Variants in ZNF544 observed in about 807,000 individuals in gnomAD.
ZNF544 encodes zinc finger protein AF020591.
Under a neutral mutation model 13.5 loss-of-function variants are expected in ZNF544, and 10 were observed. The observed-to-expected ratio is 0.74, with a 90% CI of 0.46 to 1.25. The LOEUF is 1.25. ZNF544 is among the 50% of genes most tolerant of loss of function. The pLI is 0.00. For synonymous variants in ZNF544, 323 were observed against 300.5 expected, an observed-to-expected ratio of 1.07 and a Z score of -0.77; for missense variants, 896 against 845.6, an observed-to-expected ratio of 1.06 and a Z score of -0.74.
chr19:58,229,294 ACT>A (rs2040656139), intron 1 of ZNF544, 172 bp from the exon 2 acceptor site: 2 of 52,322 alleles, frequency 3.8e-5, no homozygotes, highest in African/African-American at 2.3e-4. Context: ...ACTGGGTGGG[ACT>A]GGGTGGGACT....
At chr19:58,277,341 T>A in exon 7 of ZNF544, 1 of 1,020,036 alleles carries the variant, frequency 9.8e-7, no homozygotes, top group Non-Finnish European at 1.3e-6. Flanking sequence ...TGGTAACGTC[T>A]TCACCCCTTC....
At chr19:58,236,999 C>T (rs1338017663) in intron 3 of ZNF544, among the ~76,000 whole-genome samples, 1 of 151,808 alleles carries the variant, frequency 6.6e-6, no homozygotes, top group Non-Finnish European at 1.5e-5. Context: ...CCTCGGCCTT[C>T]CTAAGTGCTG....
intron 5 of ZNF544, among the ~76,000 whole-genome samples, chr19:58,269,676 T>G (rs1355066988): frequency 1.3e-5 from 2 of 150,642 alleles, no homozygotes; most frequent in Non-Finnish European, 2.9e-5. Flanking sequence ...ATCCCAGCAC[T>G]TTGGGAGACC....
At chr19:58,246,474 A>G in intron 5 of ZNF544, 47 bp downstream of exon 5, 3 of 1,607,874 alleles carry the variant, frequency 1.9e-6, no homozygotes, top group Non-Finnish European at 2.6e-6. Flanking sequence ...TAGGACTCAA[A>G]GCTGTACCAA....
downstream of ZNF544, among the ~76,000 whole-genome samples, chr19:58,264,378 T>G: frequency 8.7e-6 from 1 of 114,768 alleles, no homozygotes; most frequent in African/African-American, 3.7e-5. Flanking sequence ...GAGGGAAACT[T>G]CATCTCAAAA....
chr19:58,231,579 T>C (rs1380054100), intron 3 of ZNF544, among the ~76,000 whole-genome samples: 1 of 152,192 alleles, frequency 6.6e-6, no homozygotes, highest in African/African-American at 2.4e-5. Flanking sequence ...TTATTTATTT[T>C]TTTATAAATG....
chr19:58,276,883 C>G (rs2051262715), intron 6 of ZNF544, among the ~76,000 whole-genome samples: 1 of 152,186 alleles, frequency 6.6e-6, no homozygotes, highest in Non-Finnish European at 1.5e-5. Context: ...TCCCACGGGG[C>G]AAATGGTAGA....
intron 4 of ZNF544, among the ~76,000 whole-genome samples, chr19:58,244,346 G>A (rs574757978): frequency 6.6e-6 from 1 of 151,930 alleles, no homozygotes; most frequent in East Asian, 2.0e-4. Flanking sequence ...GCCCTTGAGG[G>A]TGGATGGAGC....
rs143774546 is a variant in ZNF544 at position 58,274,153 on chromosome 19, G to A, written c.245-2170G>A. Among the ~76,000 whole-genome samples the A allele has an allele frequency of 5.9e-4, 90 of 151,730 alleles. No individual in the cohort carries two copies. In the East Asian group the frequency reaches 0.01, roughly 17 times the overall value. ...TATTTGGTGTATTAGGAATTAAAAC[G>A]GAAAAAAATTAATATATTTTATTAA... On this transcript the variant is annotated intron_variant, in intron 5 of 6. Coordinates refer to the ZNF544 transcript ENST00000595981.
At chr19:58,240,558 G>A (rs982062638) in intron 3 of ZNF544, among the ~76,000 whole-genome samples, 4 of 152,090 alleles carry the variant, frequency 2.6e-5, no homozygotes, top group African/African-American at 7.2e-5. Context: ...TCAGGAGTTT[G>A]AGACCAGCCT....
chr19:58,236,433 G>A lies in ZNF544; in HGVS notation c.-60+5971G>A, dbSNP rs2146605147. On this transcript the variant is annotated intron_variant, in intron 3 of 6. Transcript: ENST00000687789. ...AATCGCTTGAACCCTGGAGGCGGAG[G>A]TTGCAGTGAGCCGAGATCGCTTGGC... Among the ~76,000 whole-genome samples the A allele has an allele frequency of 1.3e-5, 2 of 150,386 alleles. 1 individual carries two copies. The highest frequency in any genetic ancestry group is 4.2e-4 in the South Asian group (2 of 4,750).
chr19:58,241,943 CTT>C (rs1491447215), intron 3 of ZNF544, among the ~76,000 whole-genome samples: 8 of 151,078 alleles, frequency 5.3e-5, no homozygotes, highest in South Asian at 2.1e-4. Context: ...CTCTCTCTCT[CTT>C]TGTGCTTGTT....
At position 58,243,966 on chromosome 19, in the gene ZNF544, C is replaced by G; in HGVS notation, c.-58C>G. On this transcript the variant is annotated splice_region_variant and 5_prime_UTR_variant, in exon 4 of 7. Coordinates refer to ENST00000687789, the MANE Select transcript of ZNF544 (RefSeq NM_014480.4). ...ATCTCTGCTTGTTTTCCACCCCAGA[C>G]TGGTCTTCTGAGGACCTCTGCCCTC... The G allele has an allele frequency of 6.4e-7, 1 of 1,569,452 alleles. No individual in the cohort carries two copies. Among genetic ancestry groups the G allele is most frequent in the Non-Finnish European group, 8.6e-7 (1 of 1,156,428 alleles).
At chr19:58,268,404 T>C (rs1234352480), downstream of ZNF544, among the ~76,000 whole-genome samples, 2 of 152,246 alleles carry the variant, frequency 1.3e-5, no homozygotes, top group African/African-American at 4.8e-5. Context: ...TTCAATGTTA[T>C]AGATACAATG....
chr19:58,230,864 A>C (rs2041059351), intron 3 of ZNF544, among the ~76,000 whole-genome samples: 1 of 152,154 alleles, frequency 6.6e-6, no homozygotes, highest in African/African-American at 2.4e-5. Flanking sequence ...GCTACTAATG[A>C]GTGCAGGCCT....
At chr19:58,240,628 GATGC>G (rs1292448364) in intron 3 of ZNF544, among the ~76,000 whole-genome samples, 1 of 152,034 alleles carries the variant, frequency 6.6e-6, no homozygotes, top group Non-Finnish European at 1.5e-5. Flanking sequence ...TGGGCATTGT[GATGC>G]GCGCCTGTGA....
At position 58,246,693 on chromosome 19, in the gene ZNF544, T is replaced by G. The variant is rs1367670954; in HGVS notation, c.161-18T>G. 2.5e-6 allele frequency: 4 copies of G among 1,613,478 alleles called. No individual in the cohort carries two copies. The highest frequency in any genetic ancestry group is 3.4e-6 in the Non-Finnish European group (4 of 1,179,758). On this transcript the variant is annotated intron_variant, in intron 5 of 6. Coordinates refer to ENST00000687789, the MANE Select transcript of ZNF544 (RefSeq NM_014480.4). Reference sequence around the variant, plus strand: ...GTGTCCAAGCAGAGGGGCAAGTCCTTTTTCCGTCTTTGACCAGGGCTTTTC... The same window carrying G: ...GTGTCCAAGCAGAGGGGCAAGTCCTGTTTCCGTCTTTGACCAGGGCTTTTC...
chr19:58,237,761 C>T (rs1049339015), intron 3 of ZNF544, among the ~76,000 whole-genome samples: 3 of 152,212 alleles, frequency 2.0e-5, no homozygotes. Flanking sequence ...GTGCCAGAAG[C>T]CTGGAGCTTT....
At chr19:58,269,308 G>C (rs370249433) in intron 5 of ZNF544, among the ~76,000 whole-genome samples, 1 of 152,096 alleles carries the variant, frequency 6.6e-6, no homozygotes, top group Non-Finnish European at 1.5e-5. Context: ...GGTGGCAGCC[G>C]CCTATAATCC....
Sources: allele counts gnomAD v4.1 joint callset (sites outside exome capture counted in the v4.1 genomes callset), GRCh38; gene constraint gnomAD v4.1.1; transcripts MANE v1.5; gene names NCBI Gene and HGNC (gene_info 2026-07-23, HGNC 2026-07-21).